CD27: variants seen among roughly 807,000 people sequenced by gnomAD.
The protein encoded by CD27 is CD27 molecule.
CD27 carries 16 observed loss-of-function variants against 25.9 expected under a neutral mutation model. The observed-to-expected ratio is 0.62, with a 90% CI of 0.42 to 0.94. The LOEUF is 0.94. Ranked by LOEUF, CD27 falls within the 40% of genes least tolerant of loss-of-function variation. CD27 has a pLI of 0.00. For missense variants in CD27, 300 were observed against 333.2 expected (o/e 0.90, Z 0.78); for synonymous variants, 142 against 124.3 (o/e 1.14, Z -0.95).
intron 2 of CD27, chr12:6,447,639 GT>G (rs1459330799): frequency 2.0e-5 from 3 of 152,086 alleles, no homozygotes; most frequent in Non-Finnish European, 2.9e-5. Flanking sequence ...GTTTTGTTTT[GT>G]TTTTTAATTA....
At position 6,451,429 on chromosome 12, in the gene CD27, T is replaced by TCCCCCCCCC; in HGVS notation, c.*39_*40insCCCCCCCCC. ...CGGGAGCTGCACTACAGCCCTGGCC[T>TCCCCCCCCC]CCACCCCCACCCCGCCGACCATCCA... On this transcript the variant is annotated 3_prime_UTR_variant, in exon 6 of 6. Transcript: ENST00000266557. 1 of 1,593,570 alleles carries TCCCCCCCCC rather than the reference T, an allele frequency of 6.3e-7. No individual in the cohort carries two copies. The highest frequency in any genetic ancestry group is 8.5e-7 in the Non-Finnish European group (1 of 1,170,592).
Position 6,451,470 on chromosome 12 carries a change from T to C in CD27, c.*78T>C. On this transcript the variant is annotated 3_prime_UTR_variant, in exon 6 of 6. Transcript: ENST00000266557. Reference sequence around the variant, plus strand: ...CGACCATCCAAGGGAGAGTGAGACCTGGCAGCCACAACTGCAGTCCCATCC... The same window carrying C: ...CGACCATCCAAGGGAGAGTGAGACCCGGCAGCCACAACTGCAGTCCCATCC... The C allele has an allele frequency of 6.8e-7, 1 of 1,468,126 alleles. No homozygotes were observed. Among genetic ancestry groups the C allele is most frequent in the Non-Finnish European group, 9.2e-7 (1 of 1,082,530 alleles). 90.9% of individuals were successfully genotyped at this position (1,468,126 alleles called of 1,614,324 possible).
chr12:6,444,666 G>T (rs1214718921), upstream of CD27, among the ~76,000 whole-genome samples: 1 of 82,964 alleles, frequency 1.2e-5, no homozygotes, highest in African/African-American at 4.0e-5. Flanking sequence ...GGGGTGGGTG[G>T]GGGGGGGTAA....
At position 6,450,435 on chromosome 12, in the gene CD27, A is replaced by G; in HGVS notation, c.448+83A>G. ...GTACTCCCCACTCCTACCCCTAGAT[A>G]AGGTCAGCCTGTTTCTGCCTTCCCA... On this transcript the variant is annotated intron_variant, in intron 3 of 5. Transcript: ENST00000266557. This position sits in a 1 kb window ranked among gnomAD's most constrained non-coding sequence, Gnocchi z 4.1. The G allele has an allele frequency of 6.5e-7, 1 of 1,537,216 alleles. No individual in the cohort carries two copies. Among genetic ancestry groups the G allele is most frequent in the South Asian group, 1.2e-5 (1 of 86,648 alleles).
In CD27 at chr12:6,451,595, A is replaced by G. The variant is rs1485457095; in HGVS notation, c.*203A>G. The G allele has an allele frequency of 5.5e-6, 3 of 545,512 alleles. No homozygotes were observed. The highest frequency in any genetic ancestry group is 9.5e-6 in the Non-Finnish European group (3 of 316,576). The allele number at this position is 545,512 out of a possible 1,614,324, so 33.8% of individuals were successfully genotyped here. On this transcript the variant is annotated 3_prime_UTR_variant, in exon 6 of 6. Transcript: ENST00000266557. ...GATGAGGTGGAGAGTGGGAAGCAGGAGCCCAGCCAGCTGCGCCTGCGCTGC... is the reference window on the plus strand; with the variant it reads ...GATGAGGTGGAGAGTGGGAAGCAGGGGCCCAGCCAGCTGCGCCTGCGCTGC...
chr12:6,450,559 C>T lies in CD27; in HGVS notation c.467C>T (p.Thr156Ile), dbSNP rs745333631. ...PYVSEMLEAR[T>I]AGHMQTLADF... is the part of the protein sequence containing the mutation. The stretch of plus-strand genomic sequence containing the variant: ...TTTCCAGAGATGCTGGAGGCCAGGA[C>T]AGCTGGGCACATGCAGACTCTGGCT... Residue 156 changes from threonine (T) to isoleucine (I), a missense_variant, in exon 4 of 6, where the codon ACA becomes ATA. Physicochemically the swap from Thr to Ile is moderately conservative, Grantham distance 89 (BLOSUM62 -1). Transcript: ENST00000266557. This position sits in a 1 kb window ranked among gnomAD's most constrained non-coding sequence, Gnocchi z 4.1. The T allele has an allele frequency of 6.2e-6, 10 of 1,613,458 alleles. No homozygotes were observed. The South Asian group carries it at 7.7e-5, about 12-fold the overall frequency.
chr12:6,444,707 T>C (rs1176877514), upstream of CD27, among the ~76,000 whole-genome samples: 1 of 137,732 alleles, frequency 7.3e-6, no homozygotes, highest in East Asian at 2.4e-4. Context: ...AGTGCATGAA[T>C]AGGAGGGGTG....
At chr12:6,449,210 T>G (rs373035711) in intron 2 of CD27, among the ~76,000 whole-genome samples, 17 of 152,228 alleles carry the variant, frequency 1.1e-4, no homozygotes, top group Admixed American at 7.2e-4. Flanking sequence ...TTGGCCAGGC[T>G]GGTCTCAAAC....
Position 6,450,317 on chromosome 12 carries a change from C to T in CD27, c.413C>T (p.Pro138Leu), listed in dbSNP as rs373368586. The part of the protein sequence containing the change: ...LTARSSQALS[P>L]HPQPTHLPYV... ...GCTCGGTCGTCTCAGGCCCTGAGCCCACACCCTCAGCCCACCCACTTACCT... is the reference window on the plus strand; with the variant it reads ...GCTCGGTCGTCTCAGGCCCTGAGCCTACACCCTCAGCCCACCCACTTACCT... The change falls in exon 3 of 6, where the codon CCA becomes CTA. Residue 138 changes from proline to leucine, a missense_variant. Physicochemically the swap from Pro to Leu is moderately conservative, Grantham distance 98. Transcript: ENST00000266557. This position sits in a 1 kb window ranked among gnomAD's most constrained non-coding sequence, Gnocchi z 4.1. The T allele has an allele frequency of 2.1e-4, 334 of 1,613,126 alleles. No individual in the cohort carries two copies. Among genetic ancestry groups the T allele is most frequent in the Non-Finnish European group, 2.7e-4 (323 of 1,179,984 alleles).
intron 2 of CD27, chr12:6,447,409 C>G (rs1949432296): frequency 6.6e-6 from 1 of 152,154 alleles, no homozygotes; most frequent in African/African-American, 2.4e-5. Context: ...CACAGCAGCA[C>G]CTGGCTGCAG....
chr12:6,450,581 G>T lies in CD27; in HGVS notation c.489G>T (p.Leu163=). The change falls in exon 4 of 6, where the codon CTG becomes CTT. Residue 163 remains leucine, a synonymous_variant. Transcript: ENST00000266557. The surrounding 1 kb of genome is among the most constrained non-coding windows in gnomAD (Gnocchi z 4.1). ...EARTAGHMQT[L]ADFRQLPART... ...GGACAGCTGGGCACATGCAGACTCT[G>T]GCTGACTTCAGGCAGCTGCCTGCCC... 6.2e-7 allele frequency: 1 copy of T among 1,613,386 alleles called. No homozygotes were observed. The highest frequency in any genetic ancestry group is 1.1e-5 in the South Asian group (1 of 91,088).
chr12:6,450,218 C>T lies in CD27; in HGVS notation c.314C>T (p.Ala105Val), dbSNP rs1201570438. ...ACCATCACTGCCAATGCTGAGTGTG[C>T]CTGTCGCAATGGCTGGCAGTGCAGG... ...NCTITANAEC[A>V]CRNGWQCRDK... Residue 105 changes from alanine (A) to valine (V), a missense_variant, in exon 3 of 6, where the codon GCC becomes GTC. Ala to Val is a moderately conservative substitution (Grantham distance 64, BLOSUM62 0). Coordinates refer to ENST00000266557, the MANE Select transcript of CD27 (RefSeq NM_001242.5). This position sits in a 1 kb window ranked among gnomAD's most constrained non-coding sequence, Gnocchi z 4.1. 7.4e-6 allele frequency: 12 copies of T among 1,613,638 alleles called. No individual in the cohort carries two copies. Among genetic ancestry groups the T allele is most frequent in the Non-Finnish European group, 9.3e-6 (11 of 1,180,004 alleles).
chr12:6,448,488 A>G (rs765274201), intron 2 of CD27, among the ~76,000 whole-genome samples: 29 of 152,232 alleles, frequency 1.9e-4, no homozygotes, highest in Non-Finnish European at 4.0e-4. Context: ...TGTATATTTT[A>G]AAGGCAAATT....
At position 6,451,388 on chromosome 12, in the gene CD27, C is replaced by G. The variant is rs756140861; in HGVS notation, c.779C>G (p.Pro260Arg). 8.1e-6 allele frequency: 13 copies of G among 1,612,734 alleles called. No individual in the cohort carries two copies. The highest frequency in any genetic ancestry group is 9.3e-6 in the Non-Finnish European group (11 of 1,179,758). ...CGAAAACCGGAGCCTGCCTGCTCCC[C>G]CTGAGCCAGCACCTGCGGGAGCTGC... ...DYRKPEPACS[P>R] Residue 260 changes from proline (P) to arginine (R), a missense_variant, in exon 6 of 6, where the codon CCC becomes CGC. By Grantham distance (103) the Pro-to-Arg change is moderately radical (BLOSUM62 -2). Transcript: ENST00000266557.
At position 6,451,030 on chromosome 12, in the gene CD27, C is replaced by G; in HGVS notation, c.658+16C>G. 6.2e-7 allele frequency: 1 copy of G among 1,613,910 alleles called. No homozygotes were observed. ...TATAGATCAAGTAAGAGACAGAACA[C>G]AGGCCTCCGGTCCTGCCCCTGCACC... On this transcript the variant is annotated intron_variant, in intron 5 of 5. Transcript: ENST00000266557.
Position 6,450,786 on chromosome 12 carries a change from G to A in CD27, c.539-109G>A. 1.3e-6 allele frequency: 2 copies of A among 1,519,478 alleles called. No homozygotes were observed. The highest frequency in any genetic ancestry group is 1.8e-6 in the Non-Finnish European group (2 of 1,106,424). The allele number at this position is 1,519,478 out of a possible 1,614,324, so 94.1% of individuals were successfully genotyped here. A position where few individuals can be genotyped will look rare whatever the true frequency, so the allele number is the denominator to read the frequency against. ...GGAGTTGGCCAACGGTGGCGGGTGG[G>A]ATAGAATAAGGTGGGGGAAAGGGGA... On this transcript the variant is annotated intron_variant, in intron 4 of 5. Transcript: ENST00000266557. This position sits in a 1 kb window ranked among gnomAD's most constrained non-coding sequence, Gnocchi z 4.1.
In CD27 at chr12:6,450,445, T is replaced by C; in HGVS notation, c.448+93T>C. 5.2e-6 allele frequency: 8 copies of C among 1,536,410 alleles called. No homozygotes were observed. Among genetic ancestry groups the C allele is most frequent in the Non-Finnish European group, 7.1e-6 (8 of 1,120,596 alleles). On this transcript the variant is annotated intron_variant, in intron 3 of 5. Coordinates refer to ENST00000266557, the MANE Select transcript of CD27 (RefSeq NM_001242.5). The surrounding 1 kb of genome is among the most constrained non-coding windows in gnomAD (Gnocchi z 4.1). ...CTCCTACCCCTAGATAAGGTCAGCC[T>C]GTTTCTGCCTTCCCATCCCATCCAG...
intron 2 of CD27, chr12:6,448,853 G>C (rs1336670138): frequency 6.6e-6 from 1 of 152,148 alleles, no homozygotes; most frequent in Non-Finnish European, 1.5e-5. Flanking sequence ...AGGTTGTGCA[G>C]CCATCAACAC....
Position 6,446,736 on chromosome 12 carries a change from T to C in CD27, c.268+1181T>C, listed in dbSNP as rs75016164. Among the ~76,000 whole-genome samples the C allele has an allele frequency of 0.07, 10,600 of 151,292 alleles. 764 individuals are homozygous for C. Among genetic ancestry groups the C allele is most frequent in the African/African-American group, 0.18 (7,347 of 41,104 alleles). Reference sequence around the variant, plus strand: ...CCCCAAGAGGTCCAGGCTGCTCACATCACTGCACTCCAGCCTGGGTAACAG... The same window carrying C: ...CCCCAAGAGGTCCAGGCTGCTCACACCACTGCACTCCAGCCTGGGTAACAG... On this transcript the variant is annotated intron_variant, in intron 2 of 5. Coordinates refer to ENST00000266557, the MANE Select transcript of CD27 (RefSeq NM_001242.5).
Sources: allele counts gnomAD v4.1 joint callset (sites outside exome capture counted in the v4.1 genomes callset), GRCh38; gene constraint gnomAD v4.1.1; non-coding constraint Gnocchi (gnomAD v3.1); transcripts MANE v1.5; gene names NCBI Gene and HGNC (gene_info 2026-07-23, HGNC 2026-07-21).